The following KERA variants were observed in gnomAD, a reference collection of about 807,000 sequenced individuals.
KERA encodes the protein keratan sulfate proteoglycan keratocan.
In KERA, 25 loss-of-function variants were observed where a neutral mutation model predicts 26.4. That is an observed-to-expected ratio of 0.95 (90% CI 0.69 to 1.32). KERA has a LOEUF of 1.32. Ranked by LOEUF, KERA falls within the 40% of genes most tolerant of loss-of-function variation. KERA has a pLI of 0.00. For synonymous variants in KERA, 167 were observed against 146.1 expected, an observed-to-expected ratio of 1.14 and a Z score of -1.03; for missense variants, 434 against 408.9, an observed-to-expected ratio of 1.06 and a Z score of -0.53.
chr12:91,056,008 C>T lies in KERA; in HGVS notation c.274G>A (p.Glu92Lys). The change falls in exon 2 of 3, where the codon GAG becomes AAG. Residue 92 changes from glutamate to lysine, a missense_variant. Glu to Lys is a moderately conservative substitution (Grantham distance 56, BLOSUM62 1). Transcript: ENST00000266719. ...ATCCATCTTAGCTGGGTGGCATTCT[C>T]AAATGGCTTTTCAGGAATGGTTTCT... is the stretch of plus-strand genomic sequence containing the variant. ...LIETIPEKPF[E>K]NATQLRWINL... 1 of 1,610,290 alleles carries T rather than the reference C, an allele frequency of 6.2e-7. No individual in the cohort carries two copies. The highest frequency in any genetic ancestry group is 8.5e-7 in the Non-Finnish European group (1 of 1,177,944).
At chr12:91,054,239 C>T (rs947135095) in intron 2 of KERA, among the ~76,000 whole-genome samples, 1 of 151,368 alleles carries the variant, frequency 6.6e-6, no homozygotes, top group Non-Finnish European at 1.5e-5. Context: ...GAAAAATAGT[C>T]TGTTCCTATA....
chr12:91,055,434 T>G lies in KERA; in HGVS notation c.848A>C (p.His283Pro). The G allele has an allele frequency of 1.2e-6, 2 of 1,610,388 alleles. No individual in the cohort carries two copies. The highest frequency in any genetic ancestry group is 1.7e-6 in the Non-Finnish European group (2 of 1,177,552). The change falls in exon 2 of 3, where the codon CAT becomes CCT. Residue 283 changes from histidine to proline, a missense_variant. His to Pro is a moderately conservative substitution (Grantham distance 77, BLOSUM62 -2). Transcript: ENST00000266719. ...QLTKVPRISAHLQHLHLDHNK... is the reference protein window; with the variant it reads ...QLTKVPRISAPLQHLHLDHNK... ...ATGATCAAGGTGAAGGTGCTGCAGA[T>G]GAGCACTGATTCGGGGAACCTTTGT...
Position 91,055,967 on chromosome 12 carries a change from G to A in KERA, c.315C>T (p.Asn105=), listed in dbSNP as rs779165739. 1.9e-6 allele frequency: 3 copies of A among 1,610,880 alleles called. No individual in the cohort carries two copies. The South Asian group carries it at 3.3e-5, about 18-fold the overall frequency. ...TQLRWINLNK[N]KITNYGIEKG... is the part of the protein sequence containing the mutation. ...TTTCAATTCCGTAGTTGGTTATTTT[G>A]TTCTTGTTTAGATTTATCCATCTTA... Residue 105 remains asparagine, a synonymous_variant, in exon 2 of 3, where the codon AAC becomes AAT. Transcript: ENST00000266719.
chr12:91,053,438 T>A (rs1167673261), intron 2 of KERA, among the ~76,000 whole-genome samples: 1 of 151,340 alleles, frequency 6.6e-6, no homozygotes, highest in South Asian at 2.1e-4. Context: ...TATCCTCCCC[T>A]AGCTGATCTT....
chr12:91,056,531 A>G (rs968463385), intron 1 of KERA, among the ~76,000 whole-genome samples: 4 of 151,244 alleles, frequency 2.6e-5, no homozygotes, highest in Non-Finnish European at 5.9e-5. Flanking sequence ...ACACAATAAA[A>G]GCCGAGAAAT....
chr12:91,056,970 T>TCC (rs1879022760), intron 1 of KERA, among the ~76,000 whole-genome samples: 1 of 147,598 alleles, frequency 6.8e-6, no homozygotes, highest in African/African-American at 2.6e-5. Context: ...TCTCTCTCTC[T>TCC]CTCCCTTTCT....
chr12:91,056,350 T>A, intron 1 of KERA, 61 bp from the exon 2 acceptor site: 1 of 1,308,970 alleles, frequency 7.6e-7, no homozygotes, highest in Non-Finnish European at 1.1e-6. Context: ...GATAATTTTA[T>A]ACATCAAAAT....
At position 91,055,654 on chromosome 12, in the gene KERA, T is replaced by C; in HGVS notation, c.628A>G (p.Arg210Gly). Residue 210 changes from arginine to glycine, a missense_variant, in exon 2 of 3, where the codon AGA becomes GGA. Physicochemically the swap from Arg to Gly is moderately radical, Grantham distance 125. Transcript: ENST00000266719. ...AKNALRNMPP[R>G]LPANTMQLFL... is the part of the protein sequence containing the mutation. ...AACTGCATTGTATTGGCTGGTAATC[T>C]TGGAGGCATATTCCTCAGGGCATTC... 1.2e-6 allele frequency: 2 copies of C among 1,611,346 alleles called. No individual in the cohort carries two copies. The highest frequency in any genetic ancestry group is 1.1e-5 in the South Asian group (1 of 91,034).
intron 2 of KERA, among the ~76,000 whole-genome samples, chr12:91,052,497 G>A (rs1212184451): frequency 6.6e-6 from 1 of 151,540 alleles, no homozygotes; most frequent in Non-Finnish European, 1.5e-5. Flanking sequence ...TATGTTTCCA[G>A]CAAGGTTGCT....
Position 91,050,832 on chromosome 12 carries a change from C to T in KERA, c.*514G>A. 2 of 158,784 alleles carry T rather than the reference C, an allele frequency of 1.3e-5. No individual in the cohort carries two copies. The highest frequency in any genetic ancestry group is 6.0e-5 in the Admixed American group (1 of 16,718). The allele number at this position is 158,784 out of a possible 1,614,324, so 9.8% of individuals were successfully genotyped here. ...ATGAAGTATTTGATTCATTCCATAC[C>T]CATTCTCAAGCTAAATATCAAACTT... On this transcript the variant is annotated 3_prime_UTR_variant, in exon 3 of 3. Transcript: ENST00000266719.
Position 91,053,266 on chromosome 12 carries a change from T to G in KERA, c.887-1748A>C, listed in dbSNP as rs148791195. On this transcript the variant is annotated intron_variant, in intron 2 of 2. Transcript: ENST00000266719. ...AAAATTTGATATCTACATTAAAAAG[T>G]AAATAACTAGATTTCTCTTTGTTGC... is the stretch of plus-strand genomic sequence containing the variant. Among the ~76,000 whole-genome samples the G allele has an allele frequency of 6.0e-3, 909 of 151,534 alleles. 11 individuals carry two copies. Among genetic ancestry groups the G allele is most frequent in the African/African-American group, 0.021 (876 of 41,464 alleles).
chr12:91,053,232 T>C (rs1175284308), intron 2 of KERA, among the ~76,000 whole-genome samples: 1 of 151,408 alleles, frequency 6.6e-6, no homozygotes, highest in Non-Finnish European at 1.5e-5. Context: ...TCTTAAATAT[T>C]GAAATGACAA....
intron 2 of KERA, among the ~76,000 whole-genome samples, chr12:91,053,588 C>T (rs926470833): frequency 3.3e-5 from 5 of 151,330 alleles, no homozygotes; most frequent in Non-Finnish European, 5.9e-5. Context: ...ACCTCTGACC[C>T]AGCAAGTCAG....
Position 91,051,284 on chromosome 12 carries a change from G to T in KERA, c.*62C>A. On this transcript the variant is annotated 3_prime_UTR_variant, in exon 3 of 3. Coordinates refer to ENST00000266719, the MANE Select transcript of KERA (RefSeq NM_007035.4). Reference sequence around the variant, plus strand: ...GACTTGTGTCCTAAACCTATTAATGGTAACCACATTTCATGTCAGAAACAG... The same window carrying T: ...GACTTGTGTCCTAAACCTATTAATGTTAACCACATTTCATGTCAGAAACAG... 1 of 1,370,186 alleles carries T rather than the reference G, an allele frequency of 7.3e-7. No homozygotes were observed. Among genetic ancestry groups the T allele is most frequent in the South Asian group, 1.2e-5 (1 of 85,064 alleles). 84.9% of individuals were successfully genotyped at this position (1,370,186 alleles called of 1,614,324 possible). A position where few individuals can be genotyped will look rare whatever the true frequency, so the allele number is the denominator to read the frequency against.
intron 2 of KERA, among the ~76,000 whole-genome samples, chr12:91,054,187 C>CA (rs955700585): frequency 2.0e-5 from 3 of 151,054 alleles, no homozygotes; most frequent in Non-Finnish European, 4.4e-5. Flanking sequence ...CTCCCCCCAC[C>CA]AAAAAAACAA....
intron 2 of KERA, among the ~76,000 whole-genome samples, chr12:91,054,070 G>A (rs1878929629): frequency 6.6e-6 from 1 of 150,838 alleles, no homozygotes; most frequent in African/African-American, 2.4e-5. Flanking sequence ...TTTTGTTTTT[G>A]ACTACAGGAT....
intron 1 of KERA, 133 bp from the exon 2 acceptor site, chr12:91,056,422 T>A (rs1879007877): frequency 1.4e-6 from 1 of 740,054 alleles, no homozygotes; most frequent in Non-Finnish European, 2.3e-6. Flanking sequence ...CATACACAGA[T>A]CTTAATTAAT....
intron 1 of KERA, 86 bp downstream of exon 1, chr12:91,057,658 G>A (rs1405592210): frequency 6.7e-6 from 1 of 149,846 alleles, no homozygotes; most frequent in Admixed American, 6.7e-5. Flanking sequence ...TTTTGGTTTA[G>A]TTATTGAAGT....
At chr12:91,051,777 A>C (rs2268580) in intron 2 of KERA, among the ~76,000 whole-genome samples, 1 of 151,584 alleles carries the variant, frequency 6.6e-6, no homozygotes, top group Non-Finnish European at 1.5e-5. Flanking sequence ...TACTGTTAAG[A>C]TCTGTGATAG....
Sources: allele counts gnomAD v4.1 joint callset (sites outside exome capture counted in the v4.1 genomes callset), GRCh38; gene constraint gnomAD v4.1.1; transcripts MANE v1.5; gene names NCBI Gene and HGNC (gene_info 2026-07-23, HGNC 2026-07-21).